Variants in LIN28B observed in about 807,000 individuals in gnomAD.
LIN28B encodes the protein lin-28 RNA binding posttranscriptional regulator B, also known as protein lin-28 homolog B.
In LIN28B, 5 loss-of-function variants were observed where a neutral mutation model predicts 21.9. The observed-to-expected ratio is 0.23, with a 90% CI of 0.12 to 0.48. The LOEUF is 0.48. LIN28B is among the 20% of genes least tolerant of loss of function. The pLI is 0.98. For missense variants in LIN28B, 245 were observed against 310.5 expected (o/e 0.79, Z 1.58); for synonymous variants, 109 against 111.3 (o/e 0.98, Z 0.13).
At chr6:105,061,976 C>T (rs1025772903) in intron 3 of LIN28B, among the ~76,000 whole-genome samples, 11 of 152,140 alleles carry the variant, frequency 7.2e-5, no homozygotes, top group African/African-American at 2.7e-4. Flanking sequence ...AGCCAGCCAA[C>T]TTGCCTTCCT....
chr6:105,033,391 C>G (rs932656295), intron 3 of LIN28B, among the ~76,000 whole-genome samples: 21 of 151,858 alleles, frequency 1.4e-4, no homozygotes, highest in African/African-American at 4.8e-4. Context: ...AAGAGTTACT[C>G]CCTGTGGCAA....
chr6:105,030,007 A>G (rs1771386456), intron 3 of LIN28B, among the ~76,000 whole-genome samples: 1 of 152,164 alleles, frequency 6.6e-6, no homozygotes, highest in Non-Finnish European at 1.5e-5. Context: ...GTCAGAAGTG[A>G]ATAACTGTTC....
intron 2 of LIN28B, among the ~76,000 whole-genome samples, chr6:105,007,784 C>T (rs1770846323): frequency 6.6e-6 from 1 of 151,540 alleles, no homozygotes; most frequent in African/African-American, 2.4e-5. Context: ...GCCAAGATGC[C>T]TGGCCCCTTT....
intron 2 of LIN28B, among the ~76,000 whole-genome samples, chr6:105,010,748 G>GT (rs1345369991): frequency 2.0e-5 from 3 of 152,106 alleles, no homozygotes; most frequent in African/African-American, 7.2e-5. Context: ...CAGTGAAATT[G>GT]TAAGTGCACC....
At chr6:105,014,121 A>C (rs1218984897) in intron 2 of LIN28B, among the ~76,000 whole-genome samples, 8 of 152,002 alleles carry the variant, frequency 5.3e-5, no homozygotes, top group Admixed American at 3.9e-4. Context: ...CTTAGTTTGA[A>C]ACCCTATGAT....
chr6:104,968,036 G>A (rs80284847), intron 2 of LIN28B, among the ~76,000 whole-genome samples: 18,559 of 152,104 alleles, frequency 0.12, 1,302 homozygotes, highest in African/African-American at 0.19. Context: ...CAACAAGATG[G>A]CTTAATGTCA....
intron 3 of LIN28B, chr6:105,058,094 C>G (rs62419624): frequency 2.5e-6 from 1 of 407,162 alleles, no homozygotes; most frequent in Admixed American, 2.9e-5. Context: ...CCTGGCTTGA[C>G]GGTGCATTTT....
chr6:105,047,565 G>A (rs527294104), intron 3 of LIN28B, among the ~76,000 whole-genome samples: 4 of 152,236 alleles, frequency 2.6e-5, no homozygotes, highest in Admixed American at 6.5e-5. Flanking sequence ...AAAGTCATTC[G>A]TAGCTTGATG....
Position 105,027,811 on chromosome 6 carries a change from A to G in LIN28B, c.383+1329A>G, listed in dbSNP as rs114372905. 9.7e-3 allele frequency among the ~76,000 whole-genome samples: 1,472 copies of G among 152,220 alleles called. 28 individuals are homozygous for G. Among genetic ancestry groups the G allele is most frequent in the African/African-American group, 0.034 (1,408 of 41,560 alleles). ...TAATCTAATTTGCTTTTGAAGAAAG[A>G]ACTGTAAAGGTCTAGGTTTTCTTTT... On this transcript the variant is annotated intron_variant, in intron 3 of 3. Transcript: ENST00000345080.
At chr6:104,956,856 G>A (rs1368024857), upstream of LIN28B, among the ~76,000 whole-genome samples, 1 of 152,104 alleles carries the variant, frequency 6.6e-6, no homozygotes, top group Non-Finnish European at 1.5e-5. Flanking sequence ...TGTTTAAGTA[G>A]AAGCACGAAA....
chr6:104,955,702 C>A (rs1778276418), upstream of LIN28B, among the ~76,000 whole-genome samples: 2 of 146,912 alleles, frequency 1.4e-5, no homozygotes, highest in African/African-American at 5.1e-5. Flanking sequence ...AGGGTCAACT[C>A]GGTAGCTTTG....
At chr6:104,991,176 G>C (rs1204516175) in intron 2 of LIN28B, among the ~76,000 whole-genome samples, 10 of 146,428 alleles carry the variant, frequency 6.8e-5, no homozygotes, top group African/African-American at 2.3e-4. Context: ...CAGGGCGGCG[G>C]CCAGGCGGAG....
intron 2 of LIN28B, among the ~76,000 whole-genome samples, chr6:105,013,349 A>T (rs1456535697): frequency 6.6e-6 from 1 of 151,756 alleles, no homozygotes; most frequent in African/African-American, 2.4e-5. Flanking sequence ...TTGAAGCCTA[A>T]TGATGTTGAT....
chr6:104,951,527 A>T (rs1390050962), intron 3 of LIN28B, among the ~76,000 whole-genome samples: 1 of 152,044 alleles, frequency 6.6e-6, no homozygotes, highest in South Asian at 2.1e-4. Context: ...TCATTTATTA[A>T]TTTTTTATTT....
intron 2 of LIN28B, among the ~76,000 whole-genome samples, chr6:104,989,040 G>A (rs1240478571): frequency 6.6e-6 from 1 of 151,976 alleles, no homozygotes; most frequent in African/African-American, 2.4e-5. Context: ...TCGTGTTCCT[G>A]CCTTCTGTCC....
chr6:105,034,008 A>G (rs1247416358), intron 3 of LIN28B, among the ~76,000 whole-genome samples: 1 of 151,798 alleles, frequency 6.6e-6, no homozygotes, highest in African/African-American at 2.4e-5. Context: ...TGGTCTGGAA[A>G]TCTTTTTTAT....
At chr6:105,069,915 T>C (rs1277309540) in intron 3 of LIN28B, among the ~76,000 whole-genome samples, 1 of 152,052 alleles carries the variant, frequency 6.6e-6, no homozygotes, top group African/African-American at 2.4e-5. Context: ...AATAAGGAAA[T>C]AAGAGATATA....
chr6:105,019,289 G>T (rs1771089304), intron 2 of LIN28B, among the ~76,000 whole-genome samples: 1 of 152,112 alleles, frequency 6.6e-6, no homozygotes, highest in Admixed American at 6.6e-5. Flanking sequence ...ATTCTTGGTT[G>T]ACCCTTCAGA....
chr6:105,078,981 A>G lies in LIN28B; in HGVS notation c.*198A>G, dbSNP rs543293627. 4.1e-5 allele frequency: 24 copies of G among 584,676 alleles called. No individual in the cohort carries two copies. In the East Asian group the frequency reaches 7.1e-4, roughly 17 times the overall value. 36.2% of individuals were successfully genotyped at this position (584,676 alleles called of 1,614,324 possible). A position where few individuals can be genotyped will look rare whatever the true frequency, so the allele number is the denominator to read the frequency against. On this transcript the variant is annotated 3_prime_UTR_variant, in exon 4 of 4. Transcript: ENST00000345080. ...TGTCATGTTTTATGTTAATTCAGAGAATAAGATACTATGTCTGTCAATATG... is the reference window on the plus strand; with the variant it reads ...TGTCATGTTTTATGTTAATTCAGAGGATAAGATACTATGTCTGTCAATATG...
Sources: allele counts gnomAD v4.1 joint callset (sites outside exome capture counted in the v4.1 genomes callset), GRCh38; gene constraint gnomAD v4.1.1; transcripts MANE v1.5; gene names NCBI Gene and HGNC (gene_info 2026-07-23, HGNC 2026-07-21).